CMIP: variants seen among roughly 807,000 people sequenced by gnomAD.
The protein encoded by CMIP is C-Maf-inducing protein.
In CMIP, 13 loss-of-function variants were observed where a neutral mutation model predicts 97.3. The observed-to-expected ratio is 0.13, with a 90% CI of 0.09 to 0.21. The LOEUF (loss-of-function observed/expected upper bound fraction) is 0.21, where lower values mean the gene tolerates loss of function less well. CMIP is among the 10% of genes least tolerant of loss of function. CMIP has a pLI of 1.00. For synonymous variants in CMIP, 538 were observed against 436.3 expected (o/e 1.23, Z -2.91); for missense variants, 847 against 1,024.9 (o/e 0.83, Z 2.37).
At chr16:81,497,067 T>C (rs1229298572) in intron 1 of CMIP, among the ~76,000 whole-genome samples, 1 of 151,896 alleles carries the variant, frequency 6.6e-6, no homozygotes, top group African/African-American at 2.4e-5. Context: ...GAGAGGGAGG[T>C]GTAGACCCTG....
chr16:81,505,655 GTC>G (rs2089695307), intron 1 of CMIP, among the ~76,000 whole-genome samples: 1 of 152,232 alleles, frequency 6.6e-6, no homozygotes, highest in Admixed American at 6.5e-5. Context: ...TGTAAGCTGG[GTC>G]TCTCTTTGAG....
At chr16:81,595,688 C>T (rs1307923828) in intron 1 of CMIP, among the ~76,000 whole-genome samples, 1 of 152,172 alleles carries the variant, frequency 6.6e-6, no homozygotes, top group Non-Finnish European at 1.5e-5. Context: ...CACGCCTAGC[C>T]CGCATAATAC....
chr16:81,477,569 G>T (rs965587091), intron 1 of CMIP, among the ~76,000 whole-genome samples: 2 of 152,224 alleles, frequency 1.3e-5, no homozygotes, highest in African/African-American at 4.8e-5. Context: ...CGGCTGGACT[G>T]TCGTCATCAG....
intron 1 of CMIP, among the ~76,000 whole-genome samples, chr16:81,500,023 T>C (rs1274396454): frequency 6.6e-6 from 1 of 152,178 alleles, no homozygotes; most frequent in Non-Finnish European, 1.5e-5. Context: ...TTCTCTCTCC[T>C]GATGCAGAAC....
At chr16:81,686,745 C>A (rs964939546) in intron 10 of CMIP, among the ~76,000 whole-genome samples, 1 of 152,140 alleles carries the variant, frequency 6.6e-6, no homozygotes, top group African/African-American at 2.4e-5. Flanking sequence ...TTATCTAAAC[C>A]GCCTGTTGTC....
intron 18 of CMIP, 98 bp downstream of exon 18, chr16:81,704,183 C>A: frequency 9.9e-7 from 1 of 1,008,864 alleles, no homozygotes; most frequent in Non-Finnish European, 1.4e-6. Flanking sequence ...TCCCCTCAGC[C>A]TCCTCCCTGC....
intron 1 of CMIP, chr16:81,476,205 G>A (rs1907906121): frequency 9.8e-6 from 13 of 1,332,764 alleles, no homozygotes; most frequent in Non-Finnish European, 7.6e-6. Context: ...CGTTTGTGTT[G>A]GGTCCAGCAT....
At chr16:81,533,617 T>C (rs963546526) in intron 1 of CMIP, among the ~76,000 whole-genome samples, 16 of 152,188 alleles carry the variant, frequency 1.1e-4, no homozygotes, top group Non-Finnish European at 2.4e-4. Context: ...TAGCTGGGAC[T>C]ATATGCACGT....
intron 1 of CMIP, among the ~76,000 whole-genome samples, chr16:81,479,992 C>T (rs1332323563): frequency 6.6e-6 from 1 of 152,208 alleles, no homozygotes; most frequent in Non-Finnish European, 1.5e-5. Context: ...TCAGCCCTGG[C>T]CGCACAATGG....
At chr16:81,699,349 T>G (rs1361197455) in intron 14 of CMIP, among the ~76,000 whole-genome samples, 2 of 152,248 alleles carry the variant, frequency 1.3e-5, no homozygotes, top group Non-Finnish European at 2.9e-5. Context: ...GTATTATAGA[T>G]TTATACAAAA....
chr16:81,580,559 A>G (rs959090819), intron 1 of CMIP, among the ~76,000 whole-genome samples: 2 of 150,734 alleles, frequency 1.3e-5, no homozygotes, highest in African/African-American at 4.9e-5. Flanking sequence ...TCAGCCTCCC[A>G]AGTAGCTGGG....
intron 1 of CMIP, among the ~76,000 whole-genome samples, chr16:81,499,756 C>T (rs1276994340): frequency 1.3e-5 from 2 of 152,252 alleles, no homozygotes; most frequent in Admixed American, 1.3e-4. Context: ...CCCTCCTTTA[C>T]CCAGCAGCGC....
intron 1 of CMIP, among the ~76,000 whole-genome samples, chr16:81,530,927 T>G (rs1355904005): frequency 6.6e-6 from 1 of 152,222 alleles, no homozygotes; most frequent in Non-Finnish European, 1.5e-5. Flanking sequence ...CCACCCGCCC[T>G]TCTCCTGCTG....
intron 9 of CMIP, among the ~76,000 whole-genome samples, chr16:81,674,659 C>G (rs1288142411): frequency 6.6e-6 from 1 of 152,034 alleles, no homozygotes; most frequent in Non-Finnish European, 1.5e-5. Flanking sequence ...AATCTTGGCT[C>G]ACTACAGCCT....
chr16:81,634,175 C>T (rs575442466), intron 3 of CMIP, among the ~76,000 whole-genome samples: 19 of 152,200 alleles, frequency 1.2e-4, no homozygotes, highest in Non-Finnish European at 2.5e-4. Flanking sequence ...CTGTGATGCA[C>T]CCCAGCGTTT....
intron 1 of CMIP, among the ~76,000 whole-genome samples, chr16:81,578,974 C>T (rs894605131): frequency 2.6e-5 from 4 of 152,250 alleles, no homozygotes; most frequent in Admixed American, 1.3e-4. Context: ...GACTAAGAGT[C>T]AGGAGACACA....
At chr16:81,505,780 C>G (rs1421364489) in intron 1 of CMIP, among the ~76,000 whole-genome samples, 1 of 152,184 alleles carries the variant, frequency 6.6e-6, no homozygotes, top group African/African-American at 2.4e-5. Context: ...CACCTGAGGT[C>G]AGGAGTTTGA....
rs116083748 is a variant in CMIP at position 81,556,217 on chromosome 16, G to A, written c.301-51350G>A. Among the ~76,000 whole-genome samples the A allele has an allele frequency of 1.3e-3, 205 of 152,242 alleles. 2 individuals are homozygous for A. Among genetic ancestry groups the A allele is most frequent in the African/African-American group, 4.7e-3 (195 of 41,550 alleles). ...TTACGGAACCTGTTCTAGCCCGGGT[G>A]GGGTGGAAGGCAGATGTTGGACTGG... On this transcript the variant is annotated intron_variant, in intron 1 of 20. Transcript: ENST00000537098.
At chr16:81,458,866 A>G (rs552973928) in intron 1 of CMIP, among the ~76,000 whole-genome samples, 1 of 152,320 alleles carries the variant, frequency 6.6e-6, no homozygotes, top group East Asian at 1.9e-4. Context: ...TTCTGAGAAT[A>G]AAGGAGAGAA....
Sources: allele counts gnomAD v4.1 joint callset (sites outside exome capture counted in the v4.1 genomes callset), GRCh38; gene constraint gnomAD v4.1.1; transcripts MANE v1.5; gene names NCBI Gene and HGNC (gene_info 2026-07-23, HGNC 2026-07-21).